Variants in TLN2 observed in about 807,000 individuals in gnomAD.
TLN2 encodes talin-2.
In TLN2, 118 loss-of-function variants were observed where a neutral mutation model predicts 294.7. The observed-to-expected ratio is 0.40, with a 90% CI of 0.34 to 0.47. TLN2 has a LOEUF of 0.47. Ranked by LOEUF, TLN2 falls within the 20% of genes least tolerant of loss-of-function variation. The pLI, the probability that TLN2 is intolerant of heterozygous loss-of-function variation, is 0.84. For missense variants in TLN2, 3,083 were observed against 3,282.2 expected, an observed-to-expected ratio of 0.94 and a Z score of 1.48; for synonymous variants, 1,431 against 1,304.5, an observed-to-expected ratio of 1.10 and a Z score of -2.09.
At position 62,835,904 on chromosome 15, in the gene TLN2, C is replaced by T. The variant is rs755528338; in HGVS notation, c.7205C>T (p.Ala2402Val). Reference protein sequence around the residue: ...QGLISAARMVAAATSSLCEAA... With the variant: ...QGLISAARMVVAATSSLCEAA... ...GACTGTCCCCAGGCCCGGATGGTGG[C>T]GGCTGCGACCAGCAGTCTCTGTGAG... Residue 2402 changes from alanine (A) to valine (V), a missense_variant, in exon 57 of 59, where the codon GCG (alanine) becomes GTG (valine). Transcript: ENST00000636159. 6.8e-6 allele frequency: 11 copies of T among 1,614,000 alleles called. No individual in the cohort carries two copies. Among genetic ancestry groups the T allele is most frequent in the East Asian group, 4.5e-5 (2 of 44,866 alleles).
At chr15:62,789,091 G>A (rs1310879843) in intron 45 of TLN2, among the ~76,000 whole-genome samples, 1 of 152,158 alleles carries the variant, frequency 6.6e-6, no homozygotes, top group African/African-American at 2.4e-5. Flanking sequence ...CAGCCCTCCT[G>A]GCCCATGAAC....
intron 2 of TLN2, among the ~76,000 whole-genome samples, chr15:62,607,080 A>C (rs1166559008): frequency 6.6e-6 from 1 of 152,088 alleles, no homozygotes; most frequent in Non-Finnish European, 1.5e-5. Context: ...ATGCCTCTTC[A>C]CAGCAGTAAT....
intron 9 of TLN2, among the ~76,000 whole-genome samples, chr15:62,663,454 AAG>A (rs1212958993): frequency 6.6e-6 from 1 of 152,142 alleles, no homozygotes; most frequent in African/African-American, 2.4e-5. Context: ...AGGAAAGAAA[AAG>A]AGCTAAACCA....
chr15:62,547,943 G>T (rs1402648429), intron 1 of TLN2, among the ~76,000 whole-genome samples: 1 of 152,146 alleles, frequency 6.6e-6, no homozygotes, highest in East Asian at 1.9e-4. Context: ...GGTCTAAATC[G>T]CATTTTGCAT....
chr15:62,772,663 A>G (rs564778497), intron 42 of TLN2, among the ~76,000 whole-genome samples: 2 of 76,506 alleles, frequency 2.6e-5, no homozygotes, highest in South Asian at 9.2e-4. Context: ...GGATTTATTT[A>G]TTTATTTTTT....
At chr15:62,445,245 AC>A (rs1225000710) in intron 1 of TLN2, among the ~76,000 whole-genome samples, 18 of 152,256 alleles carry the variant, frequency 1.2e-4, no homozygotes, top group African/African-American at 4.3e-4. Context: ...GATAGGAATC[AC>A]CTGTGGCTTT....
intron 9 of TLN2, among the ~76,000 whole-genome samples, chr15:62,668,792 G>A (rs777850780): frequency 6.6e-6 from 1 of 152,218 alleles, no homozygotes; most frequent in Non-Finnish European, 1.5e-5. Flanking sequence ...GCTGGTGCTT[G>A]TAAAGCACCT....
At chr15:62,434,487 G>A (rs1299079381) in intron 1 of TLN2, among the ~76,000 whole-genome samples, 1 of 151,876 alleles carries the variant, frequency 6.6e-6, no homozygotes, top group Non-Finnish European at 1.5e-5. Context: ...GTGCATGCGC[G>A]CGCTCTTTCC....
chr15:62,819,360 C>T (rs1031932906), intron 52 of TLN2, among the ~76,000 whole-genome samples, 156 bp from the exon 53 acceptor site: 2 of 152,248 alleles, frequency 1.3e-5, no homozygotes, highest in African/African-American at 4.8e-5. Flanking sequence ...CCCAGTGAGT[C>T]GTAAGGGTTT....
intron 2 of TLN2, among the ~76,000 whole-genome samples, chr15:62,593,142 A>G (rs1406646165): frequency 1.3e-5 from 2 of 152,212 alleles, no homozygotes; most frequent in Admixed American, 6.5e-5. Flanking sequence ...TTTAAGGGCT[A>G]TGACGTCAGT....
At chr15:62,472,178 A>G (rs2037516809) in intron 1 of TLN2, among the ~76,000 whole-genome samples, 1 of 151,896 alleles carries the variant, frequency 6.6e-6, no homozygotes, top group Admixed American at 6.6e-5. Flanking sequence ...CCTGCATTGT[A>G]TTCACCCACT....
At chr15:62,742,767 C>T (rs2061413737) in intron 32 of TLN2, among the ~76,000 whole-genome samples, 1 of 152,118 alleles carries the variant, frequency 6.6e-6, no homozygotes, top group African/African-American at 2.4e-5. Context: ...GGAACTGTTG[C>T]GAGAAAACGC....
At chr15:62,681,783 A>G (rs1187823122) in intron 11 of TLN2, among the ~76,000 whole-genome samples, 2 of 152,164 alleles carry the variant, frequency 1.3e-5, no homozygotes, top group African/African-American at 4.8e-5. Context: ...TATTTGATTA[A>G]TTTAATTTTA....
rs1280507452 is a variant in TLN2 at position 62,844,613 on chromosome 15, A to G, written c.*4003A>G. On this transcript the variant is annotated 3_prime_UTR_variant, in exon 59 of 59. Coordinates refer to ENST00000636159, the MANE Select transcript of TLN2 (RefSeq NM_015059.3). The stretch of plus-strand genomic sequence containing the variant: ...TTATTTTTTTTTATTTGCCAGAAAT[A>G]AACCTTTAAAGGAACAAACCTGTGT... 1.3e-5 allele frequency: 2 copies of G among 152,186 alleles called. No individual in the cohort carries two copies. Among genetic ancestry groups the G allele is most frequent in the Non-Finnish European group, 2.9e-5 (2 of 68,044 alleles). 9.4% of individuals were successfully genotyped at this position (152,186 alleles called of 1,614,324 possible). A position where few individuals can be genotyped will look rare whatever the true frequency, so the allele number is the denominator to read the frequency against.
In TLN2 at chr15:62,675,066, T is replaced by C. The variant is rs2056007606; in HGVS notation, c.853-151T>C. ...GCATGCTCTGATCCTTGGTCAGCAGTTGCCTGTGTCATGGAGGGGTCTCAG... is the reference window on the plus strand; with the variant it reads ...GCATGCTCTGATCCTTGGTCAGCAGCTGCCTGTGTCATGGAGGGGTCTCAG... On this transcript the variant is annotated intron_variant, in intron 10 of 58. Transcript: ENST00000636159. The C allele has an allele frequency of 1.5e-5, 10 of 680,232 alleles. No homozygotes were observed. The South Asian group carries it at 1.9e-4, about 13-fold the overall frequency. The allele number at this position is 680,232 out of a possible 1,614,324, so 42.1% of individuals were successfully genotyped here. A position where few individuals can be genotyped will look rare whatever the true frequency, so the allele number is the denominator to read the frequency against.
chr15:62,437,989 T>G (rs1254553655), intron 1 of TLN2, among the ~76,000 whole-genome samples: 2 of 152,172 alleles, frequency 1.3e-5, no homozygotes, highest in Non-Finnish European at 2.9e-5. Flanking sequence ...TTTCCCACTC[T>G]CGCCTCTGGT....
chr15:62,518,201 G>A (rs376822443), intron 1 of TLN2, among the ~76,000 whole-genome samples: 16 of 152,240 alleles, frequency 1.1e-4, no homozygotes, highest in South Asian at 4.1e-4. Flanking sequence ...ACCACGTCCC[G>A]CTAGTTTTTG....
At position 62,693,340 on chromosome 15, in the gene TLN2, A is replaced by AT. The variant is rs1276792162; in HGVS notation, c.1215+399_1215+400insT. On this transcript the variant is annotated intron_variant, in intron 13 of 58. Transcript: ENST00000636159. Reference sequence around the variant, plus strand: ...GAGCGAGATTCCATCTCAAAAAAAAACAACAAAACTTGATTTACTAATTTA... The same window carrying AT: ...GAGCGAGATTCCATCTCAAAAAAAAATCAACAAAACTTGATTTACTAATTTA... Among the ~76,000 whole-genome samples the AT allele has an allele frequency of 3.9e-5, 6 of 152,318 alleles. No individual in the cohort carries two copies. The South Asian group carries it at 1.0e-3, about 26-fold the overall frequency.
At chr15:62,597,971 T>C (rs998760225) in intron 2 of TLN2, among the ~76,000 whole-genome samples, 13 of 152,210 alleles carry the variant, frequency 8.5e-5, no homozygotes, top group Admixed American at 2.6e-4. Context: ...TTTGGAACAT[T>C]TCAGGTTTCA....
Sources: allele counts gnomAD v4.1 joint callset (sites outside exome capture counted in the v4.1 genomes callset), GRCh38; gene constraint gnomAD v4.1.1; transcripts MANE v1.5; gene names NCBI Gene and HGNC (gene_info 2026-07-23, HGNC 2026-07-21).